Variants in P2RY8 observed in about 807,000 individuals in gnomAD.
The protein encoded by P2RY8 is P2Y receptor family member 8, also known as S-geranylgeranyl-glutathione receptor P2RY8.
P2RY8 carries 6 observed loss-of-function variants against 10.0 expected under a neutral mutation model. The ratio of observed to expected loss-of-function variants is 0.60; its 90% CI spans 0.33 to 1.19. The LOEUF is 1.19. Among genes scored for constraint, P2RY8 ranks in the 50% most tolerant of loss-of-function variants. The pLI, the probability that P2RY8 is intolerant of heterozygous loss-of-function variation, is 0.04. For missense variants in P2RY8, 456 were observed against 542.0 expected, an observed-to-expected ratio of 0.84 and a Z score of 1.58; for synonymous variants, 276 against 252.5, an observed-to-expected ratio of 1.09 and a Z score of -0.88.
At chrX:1,497,541 C>G (rs2092129552) in intron 1 of P2RY8, among the ~76,000 whole-genome samples, 2 of 151,688 alleles carry the variant, frequency 1.3e-5, no homozygotes, top group Non-Finnish European at 2.9e-5. Context: ...GCCTGTAATC[C>G]CAGCTACTCA....
chrX:1,508,068 G>T (rs2092251988), intron 1 of P2RY8, among the ~76,000 whole-genome samples: 1 of 152,092 alleles, frequency 6.6e-6, no homozygotes, highest in Admixed American at 6.5e-5. Context: ...TCCCCCCGAC[G>T]CCCTGTGGGT....
chrX:1,508,698 CATCCATTCT>C (rs2092257617), intron 1 of P2RY8, among the ~76,000 whole-genome samples: 1 of 90,980 alleles, frequency 1.1e-5, no homozygotes, highest in South Asian at 3.3e-4. Context: ...TCCATCCATC[CATCCATTCT>C]ATCTATCTAT....
chrX:1,509,664 G>C (rs1412016632), intron 1 of P2RY8, among the ~76,000 whole-genome samples: 1 of 107,962 alleles, frequency 9.3e-6, no homozygotes, highest in African/African-American at 3.9e-5. Context: ...TATCCTGTAT[G>C]TGTTCATCCA....
chrX:1,508,703 A>ATCCATCCATCCATCCATCTC (rs1422837174), intron 1 of P2RY8, among the ~76,000 whole-genome samples: 1 of 50,340 alleles, frequency 2.0e-5, no homozygotes, highest in Admixed American at 1.8e-4. Flanking sequence ...CCATCCATCC[A>ATCCATCCATCCATCCATCTC]TTCTATCTAT....
intron 1 of P2RY8, among the ~76,000 whole-genome samples, chrX:1,487,535 C>T (rs1315381963): frequency 3.3e-5 from 5 of 152,106 alleles, no homozygotes; most frequent in African/African-American, 7.2e-5. Flanking sequence ...AGATGCCGCA[C>T]TCTGCCTTGC....
At chrX:1,532,448 T>TATACACATATATGTATATG (rs1556687574) in intron 1 of P2RY8, among the ~76,000 whole-genome samples, 1 of 8,764 alleles carries the variant, frequency 1.1e-4, no homozygotes, top group Non-Finnish European at 2.8e-4. Context: ...TATATATGTA[T>TATACACATATATGTATATG]ATGTGTATAT....
At chrX:1,490,743 G>GA (rs1181272376) in intron 1 of P2RY8, among the ~76,000 whole-genome samples, 1 of 149,578 alleles carries the variant, frequency 6.7e-6, no homozygotes, top group African/African-American at 2.5e-5. Context: ...AATGTGGGGG[G>GA]AATGAATGAA....
At chrX:1,498,012 G>T (rs1191249646) in intron 1 of P2RY8, among the ~76,000 whole-genome samples, 1 of 152,082 alleles carries the variant, frequency 6.6e-6, no homozygotes. Context: ...GAGCATGAAG[G>T]ATAAAAATAA....
At chrX:1,480,600 T>C (rs2091923428) in intron 1 of P2RY8, among the ~76,000 whole-genome samples, 1 of 151,872 alleles carries the variant, frequency 6.6e-6, no homozygotes, top group Non-Finnish European at 1.5e-5. Context: ...ATGTTGTCAC[T>C]CATAAGTGGG....
At chrX:1,528,229 G>A (rs2092451277) in intron 1 of P2RY8, among the ~76,000 whole-genome samples, 1 of 152,208 alleles carries the variant, frequency 6.6e-6, no homozygotes, top group South Asian at 2.1e-4. Flanking sequence ...TAGTGCCTGG[G>A]AGGCCTCCAG....
intron 1 of P2RY8, among the ~76,000 whole-genome samples, chrX:1,493,425 G>GAGGA (rs1556679263): frequency 5.4e-5 from 3 of 55,888 alleles, no homozygotes; most frequent in Non-Finnish European, 1.1e-4. Context: ...AAGGAGGAAG[G>GAGGA]AGGAGGGAGG....
At chrX:1,492,403 T>C (rs1224135833) in intron 1 of P2RY8, among the ~76,000 whole-genome samples, 1 of 152,160 alleles carries the variant, frequency 6.6e-6, no homozygotes, top group Non-Finnish European at 1.5e-5. Flanking sequence ...TTTTCCCATT[T>C]GATTCTGCTC....
Position 1,516,457 on chromosome X carries a change from G to A in P2RY8, c.-25+20464C>T, listed in dbSNP as rs757066969. Among the ~76,000 whole-genome samples the A allele has an allele frequency of 5.7e-4, 86 of 149,902 alleles. 1 individual carries two copies. Among genetic ancestry groups the A allele is most frequent in the African/African-American group, 1.9e-3 (79 of 40,536 alleles). Reference sequence around the variant, plus strand: ...GACTGTGGGAGAATCAATGTCTGTCGTTTCTAAGCCGCCCAGTCTATGGTG... The same window carrying A: ...GACTGTGGGAGAATCAATGTCTGTCATTTCTAAGCCGCCCAGTCTATGGTG... On this transcript the variant is annotated intron_variant, in intron 1 of 1. Coordinates refer to ENST00000381297, the MANE Select transcript of P2RY8 (RefSeq NM_178129.5).
intron 1 of P2RY8, among the ~76,000 whole-genome samples, chrX:1,473,230 T>C (rs1450686829): frequency 1.4e-5 from 2 of 145,898 alleles, no homozygotes; most frequent in Admixed American, 1.4e-4. Flanking sequence ...GATGGATAGA[T>C]GAGTAGGTAG....
intron 1 of P2RY8, among the ~76,000 whole-genome samples, chrX:1,530,145 G>C (rs2092462788): frequency 6.8e-5 from 1 of 14,706 alleles, no homozygotes; most frequent in African/African-American, 8.0e-5. Flanking sequence ...ATGTATGTAT[G>C]TATGTATGTA....
chrX:1,466,972 G>T (rs1247231231), intron 1 of P2RY8, among the ~76,000 whole-genome samples: 1 of 101,298 alleles, frequency 9.9e-6, no homozygotes, highest in Non-Finnish European at 2.1e-5. Context: ...GAGACTCTTA[G>T]ATGATCCACA....
At chrX:1,531,109 C>A (rs1466047624) in intron 1 of P2RY8, among the ~76,000 whole-genome samples, 1 of 125,208 alleles carries the variant, frequency 8.0e-6, no homozygotes, top group Non-Finnish European at 1.8e-5. Flanking sequence ...TAATTTGTCA[C>A]CCATCTATCT....
intron 1 of P2RY8, among the ~76,000 whole-genome samples, chrX:1,534,295 CAGAT>C (rs1177290993): frequency 7.5e-5 from 11 of 147,354 alleles, no homozygotes; most frequent in East Asian, 3.9e-4. Context: ...TACACACACA[CAGAT>C]AGGTGTATCT....
intron 1 of P2RY8, among the ~76,000 whole-genome samples, chrX:1,526,827 A>T (rs1278873522): frequency 2.0e-5 from 3 of 152,140 alleles, no homozygotes; most frequent in Admixed American, 2.0e-4. Flanking sequence ...TCATTCATTT[A>T]CCCACGCATT....
Sources: gnomAD v4.1 joint callset for allele counts (sites outside exome capture counted in the v4.1 genomes callset) on GRCh38, gnomAD v4.1.1 for gene constraint, MANE v1.5 for transcripts, NCBI Gene and HGNC (gene_info 2026-07-23, HGNC 2026-07-21) for gene names.